GFRA1: variants seen among roughly 807,000 people sequenced by gnomAD.
GFRA1 encodes the protein GDNF family receptor alpha-1.
In GFRA1, 16 loss-of-function variants were observed where a neutral mutation model predicts 51.6. That is an observed-to-expected ratio of 0.31 (90% CI 0.21 to 0.47). The LOEUF (loss-of-function observed/expected upper bound fraction) is 0.47, where lower values mean the gene tolerates loss of function less well. Ranked by LOEUF, GFRA1 falls within the 20% of genes least tolerant of loss-of-function variation. The probability of loss-of-function intolerance (pLI) is 1.00; values close to 1 mark genes in which losing one functional copy is unlikely to be tolerated. For synonymous variants in GFRA1, 270 were observed against 241.3 expected, an observed-to-expected ratio of 1.12 and a Z score of -1.10; for missense variants, 530 against 594.3, an observed-to-expected ratio of 0.89 and a Z score of 1.13.
chr10:116,136,093 A>G (rs3781532), intron 5 of GFRA1, among the ~76,000 whole-genome samples: 74,345 of 152,110 alleles, frequency 0.49, 19,343 homozygotes, highest in East Asian at 0.57. Flanking sequence ...CTTTCTCTGG[A>G]CCAGAAAAAA....
intron 4 of GFRA1, among the ~76,000 whole-genome samples, chr10:116,262,134 G>A (rs936978498): frequency 1.3e-5 from 2 of 152,190 alleles, no homozygotes; most frequent in East Asian, 1.9e-4. Flanking sequence ...GGACTAAGAA[G>A]AAGGAATGAG....
At chr10:116,271,156 G>A in intron 2 of GFRA1, 41 bp from the exon 3 acceptor site, 1 of 1,557,910 alleles carries the variant, frequency 6.4e-7, no homozygotes, top group Non-Finnish European at 8.7e-7. Context: ...CGGCGGGCGG[G>A]GACCCCGGCC....
intron 4 of GFRA1, among the ~76,000 whole-genome samples, chr10:116,234,961 C>T (rs1966850722): frequency 6.6e-6 from 1 of 152,262 alleles, no homozygotes; most frequent in Non-Finnish European, 1.5e-5. Flanking sequence ...CAGCACTTGT[C>T]CTTGCTGTTG....
chr10:116,092,806 G>A (rs964768638), intron 8 of GFRA1, among the ~76,000 whole-genome samples: 7 of 152,290 alleles, frequency 4.6e-5, no homozygotes, highest in African/African-American at 9.6e-5. Context: ...TTTTACACTC[G>A]CTATAGAGTG....
At chr10:116,167,050 C>T (rs367578106) in intron 5 of GFRA1, among the ~76,000 whole-genome samples, 27 of 152,068 alleles carry the variant, frequency 1.8e-4, no homozygotes, top group Non-Finnish European at 3.7e-4. Context: ...CCGCCCGTCT[C>T]GGCCTCCCAA....
chr10:116,063,273 G>C lies in GFRA1; in HGVS notation c.*1125C>G, dbSNP rs2133753476. The C allele has an allele frequency of 6.6e-6, 1 of 152,346 alleles. No homozygotes were observed. The highest frequency in any genetic ancestry group is 1.5e-5 in the Non-Finnish European group (1 of 68,036). 9.4% of individuals were successfully genotyped at this position (152,346 alleles called of 1,614,324 possible). A position where few individuals can be genotyped will look rare whatever the true frequency, so the allele number is the denominator to read the frequency against. ...AGCCACCAGTTCCCTCCACAGGTAT[G>C]CACGCTTGCACTTCGAGCAATGACA... On this transcript the variant is annotated 3_prime_UTR_variant, in exon 11 of 11. Coordinates refer to ENST00000355422, the MANE Select transcript of GFRA1 (RefSeq NM_005264.8).
chr10:116,087,621 T>C (rs974527914), intron 9 of GFRA1, among the ~76,000 whole-genome samples: 2 of 152,180 alleles, frequency 1.3e-5, no homozygotes, highest in African/African-American at 4.8e-5. Context: ...TTGCCTTTTC[T>C]TTCCAGAAAC....
intron 3 of GFRA1, 47 bp downstream of exon 3, chr10:116,270,775 G>A (rs1163547013): frequency 6.5e-7 from 1 of 1,529,630 alleles, no homozygotes; most frequent in South Asian, 1.1e-5. Flanking sequence ...AGGCCCGCCT[G>A]CCTTCGGGGA....
intron 5 of GFRA1, among the ~76,000 whole-genome samples, chr10:116,156,278 G>A (rs752392221): frequency 2.6e-5 from 4 of 152,200 alleles, no homozygotes; most frequent in Non-Finnish European, 5.9e-5. Context: ...CATTTCAAAA[G>A]GAGGAAATGA....
At chr10:116,131,526 C>T (rs1565598333) in intron 5 of GFRA1, among the ~76,000 whole-genome samples, 1 of 152,076 alleles carries the variant, frequency 6.6e-6, no homozygotes, top group African/African-American at 2.4e-5. Context: ...AGGAAAATGG[C>T]TCAACAAACT....
intron 3 of GFRA1, 65 bp downstream of exon 3, chr10:116,270,757 G>C: frequency 3.6e-6 from 5 of 1,383,804 alleles, no homozygotes; most frequent in Non-Finnish European, 5.1e-6. Context: ...AGCTGGCCCA[G>C]GGACGAAAGG....
In GFRA1 at chr10:116,096,577, A is replaced by G. The variant is rs11818844; in HGVS notation, c.880+78T>C. ...CTGTGAGATTTTCACTTCTGCAGACATCAGCAAGGCGCAATGGAAAGAACG... is the reference window on the plus strand; with the variant it reads ...CTGTGAGATTTTCACTTCTGCAGACGTCAGCAAGGCGCAATGGAAAGAACG... On this transcript the variant is annotated intron_variant, in intron 7 of 10. Transcript: ENST00000355422. 4.3e-3 allele frequency: 3,403 copies of G among 799,706 alleles called. 84 individuals carry two copies. The African/African-American group carries it at 0.05, about 12-fold the overall frequency. The allele number at this position is 799,706 out of a possible 1,614,324, so 49.5% of individuals were successfully genotyped here. A position where few individuals can be genotyped will look rare whatever the true frequency, so the allele number is the denominator to read the frequency against.
At chr10:116,117,499 T>C (rs1473266120) in intron 6 of GFRA1, among the ~76,000 whole-genome samples, 1 of 117,404 alleles carries the variant, frequency 8.5e-6, no homozygotes, top group Non-Finnish European at 1.8e-5. Flanking sequence ...CAGGTTGTTA[T>C]TCCTGGCACA....
chr10:116,150,280 C>A (rs1310115513), intron 5 of GFRA1, among the ~76,000 whole-genome samples: 1 of 152,132 alleles, frequency 6.6e-6, no homozygotes, highest in Admixed American at 6.5e-5. Context: ...CTTTGATAAC[C>A]GAGCTTCCTC....
chr10:116,229,057 C>G (rs1966516269), intron 4 of GFRA1, among the ~76,000 whole-genome samples: 1 of 150,116 alleles, frequency 6.7e-6, no homozygotes, highest in South Asian at 2.1e-4. Context: ...GACAGATTCT[C>G]CACCAGGGCC....
At chr10:116,199,613 T>C (rs1964170168) in intron 5 of GFRA1, among the ~76,000 whole-genome samples, 2 of 152,222 alleles carry the variant, frequency 1.3e-5, no homozygotes, top group South Asian at 4.1e-4. Flanking sequence ...TATAAATACA[T>C]TTTATTTCAT....
chr10:116,224,342 G>A (rs561679453), intron 4 of GFRA1, among the ~76,000 whole-genome samples: 2 of 152,240 alleles, frequency 1.3e-5, no homozygotes, highest in East Asian at 3.9e-4. Context: ...CCACTCCTGG[G>A]TATATACCCG....
chr10:116,235,106 T>C (rs570052235), intron 4 of GFRA1, among the ~76,000 whole-genome samples: 1 of 152,296 alleles, frequency 6.6e-6, no homozygotes, highest in African/African-American at 2.4e-5. Flanking sequence ...ATGTTTTTAT[T>C]AGCACTGTGA....
intron 5 of GFRA1, among the ~76,000 whole-genome samples, chr10:116,190,792 TTGTGCACCAA>T (rs1207042465): frequency 1.3e-5 from 2 of 152,260 alleles, no homozygotes; most frequent in African/African-American, 4.8e-5. Context: ...CCTTTTCTCT[TTGTGCACCAA>T]TGTGCACCGT....
Sources: gnomAD v4.1 joint callset for allele counts (sites outside exome capture counted in the v4.1 genomes callset) on GRCh38, gnomAD v4.1.1 for gene constraint, MANE v1.5 for transcripts, NCBI Gene and HGNC (gene_info 2026-07-23, HGNC 2026-07-21) for gene names.